CFAP43: variants seen among roughly 807,000 people sequenced by gnomAD.
CFAP43 encodes cilia- and flagella-associated protein 43.
In CFAP43, 155 loss-of-function variants were observed where a neutral mutation model predicts 218.9. The observed-to-expected ratio is 0.71, with a 90% CI of 0.62 to 0.81. CFAP43 has a LOEUF of 0.81. Among genes scored for constraint, CFAP43 ranks in the 30% least tolerant of loss-of-function variants. The pLI is 0.00. For missense variants in CFAP43, 1,778 were observed against 1,954.3 expected (o/e 0.91, Z 1.70); for synonymous variants, 645 against 681.3 (o/e 0.95, Z 0.83).
Position 104,161,151 on chromosome 10 carries a change from T to C in CFAP43, c.3426A>G (p.Gln1142=), listed in dbSNP as rs1406722980. Residue 1142 remains glutamine (Q), a synonymous_variant, in exon 27 of 38, where the codon CAA becomes CAG. Transcript: ENST00000357060. ...KEDILRMVIP[Q]PAFMAKPDAV... ...CATCAGGTTTTGCCATGAAAGCAGG[T>C]TGAGGAATCACCTGAAGATATGAAG... The C allele has an allele frequency of 6.2e-6, 10 of 1,613,678 alleles. No homozygotes were observed. The highest frequency in any genetic ancestry group is 1.3e-5 in the African/African-American group (1 of 74,930).
chr10:104,189,917 C>T (rs1255887195), intron 12 of CFAP43, among the ~76,000 whole-genome samples: 2 of 152,120 alleles, frequency 1.3e-5, no homozygotes, highest in East Asian at 1.9e-4. Context: ...CCTGTAATCC[C>T]AGCACTTTGG....
Position 104,230,459 on chromosome 10 carries a change from C to G in CFAP43, c.319+131G>C, listed in dbSNP as rs1589829289. 2.5e-6 allele frequency: 3 copies of G among 1,220,448 alleles called. No homozygotes were observed. In the East Asian group the frequency reaches 7.7e-5, roughly 31 times the overall value. The allele number at this position is 1,220,448 out of a possible 1,614,324, so 75.6% of individuals were successfully genotyped here. A position where few individuals can be genotyped will look rare whatever the true frequency, so the allele number is the denominator to read the frequency against. On this transcript the variant is annotated intron_variant, in intron 2 of 37. Transcript: ENST00000357060. The stretch of plus-strand genomic sequence containing the variant: ...CAGCCTAGGCAACAGGGCAAAACTC[C>G]ATCTCAAAACAAACACAAAAAACAA...
chr10:104,199,071 G>A (rs1228068343), intron 8 of CFAP43, among the ~76,000 whole-genome samples: 1 of 152,166 alleles, frequency 6.6e-6, no homozygotes, highest in South Asian at 2.1e-4. Flanking sequence ...TTGTTAAGAT[G>A]TACTAAATCC....
chr10:104,141,994 A>T (rs1018379273), intron 33 of CFAP43, among the ~76,000 whole-genome samples: 1 of 152,206 alleles, frequency 6.6e-6, no homozygotes, highest in African/African-American at 2.4e-5. Context: ...AGTACTGAAA[A>T]ACAGGTTCTT....
chr10:104,206,619 G>C (rs1227695592), intron 6 of CFAP43, among the ~76,000 whole-genome samples: 1 of 152,224 alleles, frequency 6.6e-6, no homozygotes, highest in Non-Finnish European at 1.5e-5. Flanking sequence ...GTCAGATGTA[G>C]ATTAAGGTCA....
intron 10 of CFAP43, 118 bp downstream of exon 10, chr10:104,196,735 A>C (rs2090391229): frequency 2.5e-6 from 2 of 805,136 alleles, no homozygotes; most frequent in South Asian, 4.2e-5. Flanking sequence ...TAGAAGGCAA[A>C]AATGCAGTGA....
Position 104,147,992 on chromosome 10 carries a change from G to A in CFAP43, c.3667C>T (p.Leu1223=). ...KAEMVTNQEE[L]KISNLAFSLL... ...GAAAATGCAAGGTTACTTATTTTCAGTTCCTCCTGTAGAAATATTTAAGAA... is the reference window on the plus strand; with the variant it reads ...GAAAATGCAAGGTTACTTATTTTCAATTCCTCCTGTAGAAATATTTAAGAA... Residue 1223 remains leucine (L), a synonymous_variant, in exon 29 of 38, where the codon CTG becomes TTG. Coordinates refer to ENST00000357060, the MANE Select transcript of CFAP43 (RefSeq NM_025145.7). The A allele has an allele frequency of 6.3e-7, 1 of 1,576,056 alleles. No homozygotes were observed. The highest frequency in any genetic ancestry group is 8.6e-7 in the Non-Finnish European group (1 of 1,159,078).
At chr10:104,153,268 C>A (rs1375137930) in intron 27 of CFAP43, among the ~76,000 whole-genome samples, 1 of 151,944 alleles carries the variant, frequency 6.6e-6, no homozygotes, top group African/African-American at 2.4e-5. Flanking sequence ...TTAAAAAATT[C>A]CACCAGGACA....
chr10:104,159,845 C>T (rs1050569541), intron 27 of CFAP43, among the ~76,000 whole-genome samples: 1 of 152,132 alleles, frequency 6.6e-6, no homozygotes, highest in Non-Finnish European at 1.5e-5. Context: ...TCTCAGCGTC[C>T]TTCCATTTTC....
chr10:104,201,762 C>A (rs2090541705), intron 8 of CFAP43, among the ~76,000 whole-genome samples: 1 of 151,758 alleles, frequency 6.6e-6, no homozygotes, highest in South Asian at 2.1e-4. Flanking sequence ...ATTACTACTG[C>A]TCTTTATTTT....
At chr10:104,188,126 T>C (rs1437047389) in intron 13 of CFAP43, 144 bp downstream of exon 13, 18 of 995,480 alleles carry the variant, frequency 1.8e-5, no homozygotes, top group Admixed American at 1.4e-4. Context: ...CTGTTTAGCA[T>C]GTTGGTTTTA....
chr10:104,156,437 A>G (rs1273580291), intron 27 of CFAP43, among the ~76,000 whole-genome samples: 2 of 152,208 alleles, frequency 1.3e-5, no homozygotes, highest in African/African-American at 2.4e-5. Context: ...TTTATTTCCA[A>G]AAAGATACCT....
At chr10:104,135,717 T>C (rs2087409555) in intron 34 of CFAP43, among the ~76,000 whole-genome samples, 1 of 151,824 alleles carries the variant, frequency 6.6e-6, no homozygotes, top group South Asian at 2.1e-4. Flanking sequence ...TGAAAGAATA[T>C]AAAGATTAAA....
intron 34 of CFAP43, among the ~76,000 whole-genome samples, chr10:104,138,890 T>C (rs972303001): frequency 2.4e-4 from 36 of 152,194 alleles, no homozygotes; most frequent in African/African-American, 8.4e-4. Flanking sequence ...ATAAGGGGTA[T>C]ATGAGAATTC....
chr10:104,194,077 C>G, intron 10 of CFAP43, 63 bp from the exon 11 acceptor site: 2 of 1,573,558 alleles, frequency 1.3e-6, no homozygotes, highest in Non-Finnish European at 1.7e-6. Flanking sequence ...CGTAAGAATG[C>G]TATTATACAG....
At chr10:104,174,198 C>T (rs1004558494) in intron 19 of CFAP43, among the ~76,000 whole-genome samples, 9 of 152,222 alleles carry the variant, frequency 5.9e-5, no homozygotes, top group Non-Finnish European at 1.2e-4. Context: ...CAATATATAA[C>T]ATATACCAAT....
At chr10:104,207,592 G>C (rs907084235) in intron 6 of CFAP43, 73 bp downstream of exon 6, 5 of 1,434,760 alleles carry the variant, frequency 3.5e-6, no homozygotes, top group East Asian at 2.3e-5. Context: ...CTCCAAGAAA[G>C]AGAAAAATAG....
intron 21 of CFAP43, 145 bp downstream of exon 21, chr10:104,168,599 C>G: frequency 1.6e-6 from 1 of 632,842 alleles, no homozygotes; most frequent in Non-Finnish European, 2.8e-6. Flanking sequence ...AGGGACACAT[C>G]CAGGTGAAAT....
chr10:104,170,874 C>T (rs1183109727), intron 20 of CFAP43, among the ~76,000 whole-genome samples: 1 of 152,126 alleles, frequency 6.6e-6, no homozygotes, highest in Non-Finnish European at 1.5e-5. Flanking sequence ...ACCTCCCCAA[C>T]CTCATTCCAT....
Sources: gnomAD v4.1 joint callset for allele counts (sites outside exome capture counted in the v4.1 genomes callset) on GRCh38, gnomAD v4.1.1 for gene constraint, MANE v1.5 for transcripts, NCBI Gene and HGNC (gene_info 2026-07-23, HGNC 2026-07-21) for gene names.